The following FANCB variants were observed in gnomAD, a reference collection of about 807,000 sequenced individuals.
The protein encoded by FANCB is Fanconi anemia group B protein.
A neutral mutation model predicts 38.9 loss-of-function variants in FANCB; 5 were observed. The ratio of observed to expected loss-of-function variants is 0.13; its 90% confidence interval spans 0.07 to 0.27. The LOEUF is 0.27. FANCB is among the 10% of genes least tolerant of loss of function. The pLI, the probability that FANCB is intolerant of heterozygous loss-of-function variation, is 1.00. For synonymous variants in FANCB, 236 were observed against 215.4 expected, an observed-to-expected ratio of 1.10 and a Z score of -0.84; for missense variants, 573 against 602.7, an observed-to-expected ratio of 0.95 and a Z score of 0.52.
At chrX:14,865,825 C>T (rs2092467424) in intron 2 of FANCB, among the ~76,000 whole-genome samples, 1 of 111,845 alleles carries the variant, frequency 8.9e-6, no homozygotes, top group Non-Finnish European at 1.9e-5. Context: ...AATGTGTCAA[C>T]GGCATATATT....
At chrX:14,810,574 A>C in the FANCB span, among the ~76,000 whole-genome samples, 1 of 111,970 alleles carries the variant, frequency 8.9e-6, no homozygotes, top group African/African-American at 3.2e-5. Flanking sequence ...CAGTGATGGA[A>C]GATGAAATGA....
the FANCB span, among the ~76,000 whole-genome samples, chrX:14,753,163 CCAT>C: frequency 2.3e-4 from 26 of 111,513 alleles, no homozygotes; most frequent in South Asian, 3.7e-4. Context: ...AATATCGCCA[CCAT>C]ATTTTTATCT....
the FANCB span, among the ~76,000 whole-genome samples, chrX:14,706,204 A>G: frequency 3.6e-5 from 4 of 111,949 alleles, no homozygotes; most frequent in African/African-American, 1.3e-4. Flanking sequence ...CAGCAGCATC[A>G]GCATCACCTA....
intron 5 of FANCB, among the ~76,000 whole-genome samples, chrX:14,855,887 G>T (rs774566220): frequency 8.9e-6 from 1 of 111,790 alleles, no homozygotes; most frequent in Non-Finnish European, 1.9e-5. Flanking sequence ...TATCTCTCTG[G>T]GTTCCAGCCT....
the FANCB span, among the ~76,000 whole-genome samples, chrX:14,812,143 T>C: frequency 2.7e-5 from 3 of 109,672 alleles, no homozygotes; most frequent in East Asian, 8.6e-4. Flanking sequence ...CATACCAGAA[T>C]CTCTGGGACA....
At chrX:14,780,910 T>C in the FANCB span, among the ~76,000 whole-genome samples, 1 of 109,488 alleles carries the variant, frequency 9.1e-6, no homozygotes, top group South Asian at 3.8e-4. Flanking sequence ...GCCCAAGAAA[T>C]TGGTGTCCCA....
At chrX:14,846,615 T>C (rs1428466990) in intron 7 of FANCB, among the ~76,000 whole-genome samples, 1 of 111,572 alleles carries the variant, frequency 9.0e-6, no homozygotes, top group Non-Finnish European at 1.9e-5. Flanking sequence ...ACACTTTACA[T>C]ACCTCCCAGT....
the FANCB span, among the ~76,000 whole-genome samples, chrX:14,710,333 G>GCTAT: frequency 8.9e-6 from 1 of 111,865 alleles, no homozygotes; most frequent in East Asian, 2.8e-4. Context: ...GAAAGCAGTG[G>GCTAT]CTATCTGGAA....
Position 14,844,538 on chromosome X carries a change from T to C in FANCB, c.2130A>G (p.Arg710=), listed in dbSNP as rs768048579. ...FYGTLFTWKQ[R]TPFEGILIIY... ...TTATTAAAATCCCTTCGAATGGTGT[T>C]CTCTGTTTCCAAGTGAAGAGTGTCC... The change falls in exon 9 of 10, where the codon AGA becomes AGG. Residue 710 remains arginine, a synonymous_variant. Coordinates refer to ENST00000650831, the MANE Select transcript of FANCB (RefSeq NM_001018113.3). 3.3e-6 allele frequency: 4 copies of C among 1,205,542 alleles called. No homozygotes were observed. Among genetic ancestry groups the C allele is most frequent in the Non-Finnish European group, 4.5e-6 (4 of 889,612 alleles).
At chrX:14,833,415 C>T (rs1316586632), downstream of FANCB, among the ~76,000 whole-genome samples, 1 of 111,998 alleles carries the variant, frequency 8.9e-6, no homozygotes, top group African/African-American at 3.2e-5. Context: ...GAATCTGCAT[C>T]GACTGAGAGC....
chrX:14,730,459 C>A, the FANCB span: 2 of 1,206,941 alleles, frequency 1.7e-6, no homozygotes, highest in South Asian at 1.8e-5. Flanking sequence ...CAAGATCATT[C>A]GGCATGAAGA....
the FANCB span, among the ~76,000 whole-genome samples, chrX:14,821,862 G>GA: frequency 1.8e-5 from 2 of 111,773 alleles, no homozygotes; most frequent in Non-Finnish European, 3.8e-5. Flanking sequence ...CTCAAAGTGA[G>GA]AAAAAATGAG....
At chrX:14,809,357 C>T in the FANCB span, among the ~76,000 whole-genome samples, 154 of 112,273 alleles carry the variant, frequency 1.4e-3, 1 homozygote, top group Middle Eastern at 4.6e-3. Flanking sequence ...GCACTGTGTG[C>T]GAGCTGAAGC....
the FANCB span, among the ~76,000 whole-genome samples, chrX:14,795,025 G>T: frequency 2.7e-5 from 3 of 111,840 alleles, no homozygotes; most frequent in Non-Finnish European, 3.8e-5. Context: ...GAGAAGTCAA[G>T]AACACTTAGG....
chrX:14,773,785 T>C, the FANCB span, among the ~76,000 whole-genome samples: 2 of 112,079 alleles, frequency 1.8e-5, no homozygotes, highest in Non-Finnish European at 3.8e-5. Context: ...ATGTGTCCAC[T>C]TTCTTCTTTC....
the FANCB span, among the ~76,000 whole-genome samples, chrX:14,776,768 T>C: frequency 8.9e-6 from 1 of 112,622 alleles, no homozygotes; most frequent in African/African-American, 3.2e-5. Context: ...TGAGGACTAA[T>C]GGGTACTATT....
At chrX:14,791,177 C>T in the FANCB span, among the ~76,000 whole-genome samples, 5 of 111,701 alleles carry the variant, frequency 4.5e-5, no homozygotes, top group African/African-American at 1.6e-4. Context: ...AAACCTAATC[C>T]TATCTCAGAA....
rs1311845459 is a variant in FANCB, at chrX:14,853,180, A to G, written c.1198-13T>C. On this transcript the variant is annotated splice_polypyrimidine_tract_variant and intron_variant, in intron 5 of 9. Transcript: ENST00000650831. ...AAGAAAAACAAACCTGTAAAGTAGAAAGAAAAATAGTGGCAAGAAACATGA... is the reference window on the plus strand; with the variant it reads ...AAGAAAAACAAACCTGTAAAGTAGAGAGAAAAATAGTGGCAAGAAACATGA... 1 of 1,198,780 alleles carries G rather than the reference A, an allele frequency of 8.3e-7. No homozygotes were observed. Among genetic ancestry groups the G allele is most frequent in the Non-Finnish European group, 1.1e-6 (1 of 884,925 alleles).
Position 14,872,652 on chromosome X carries a change from C to A in FANCB, c.-192+334G>T, listed in dbSNP as rs867347511. Among the ~76,000 whole-genome samples, 383 of 80,061 alleles carry A rather than the reference C, an allele frequency of 4.8e-3. 1 individual carries two copies. The highest frequency in any genetic ancestry group is 0.016 in the African/African-American group (339 of 21,740). 69.5% of individuals were successfully genotyped at this position (80,061 alleles called of 115,157 possible). On this transcript the variant is annotated intron_variant, in intron 1 of 9. Transcript: ENST00000650831. Reference sequence around the variant, plus strand: ...GTAAAACCGCCCCCCCCACACACACCCCCCCACCCCCCCGGCTGAACACAA... The same window carrying A: ...GTAAAACCGCCCCCCCCACACACACACCCCCACCCCCCCGGCTGAACACAA...
Sources: allele counts gnomAD v4.1 joint callset (sites outside exome capture counted in the v4.1 genomes callset), GRCh38; gene constraint gnomAD v4.1.1; transcripts MANE v1.5; gene names NCBI Gene and HGNC (gene_info 2026-07-23, HGNC 2026-07-21).